The following MTCL3 variants were observed in gnomAD, a reference collection of about 807,000 sequenced individuals.
MTCL3 encodes microtubule cross-linking factor 3.
At chr6:127,518,175 G>A in the MTCL3 span, among the ~76,000 whole-genome samples, 7 of 152,206 alleles carry the variant, frequency 4.6e-5, no homozygotes, top group East Asian at 7.7e-4. Flanking sequence ...TCCCAGTCGC[G>A]ATACTACTAG....
At chr6:127,516,415 A>G in the MTCL3 span, 13 of 1,600,236 alleles carry the variant, frequency 8.1e-6, no homozygotes, top group Middle Eastern at 1.6e-4. Flanking sequence ...AACAGAATTG[A>G]GTTTAGTGCC....
At chr6:127,497,633 A>T in the MTCL3 span, among the ~76,000 whole-genome samples, 2 of 152,166 alleles carry the variant, frequency 1.3e-5, no homozygotes, top group Admixed American at 6.5e-5. Context: ...GGAATTGTGC[A>T]CGTCAAGCTG....
chr6:127,514,681 T>C, the MTCL3 span: 2 of 659,684 alleles, frequency 3.0e-6, no homozygotes, highest in Non-Finnish European at 5.1e-6. Flanking sequence ...GAGACCCTAG[T>C]ATTTTGTGGT....
At chr6:127,475,900 C>T in the MTCL3 span, 2 of 1,613,382 alleles carry the variant, frequency 1.2e-6, no homozygotes, top group Non-Finnish European at 1.7e-6. This position sits in a 1 kb window ranked among gnomAD's most constrained non-coding sequence, Gnocchi z 7.3. Context: ...GATCTGCAGG[C>T]GCGCCGCCTT....
chr6:127,516,382 TGCTGCTGCA>T, the MTCL3 span: 1 of 1,600,918 alleles, frequency 6.2e-7, no homozygotes, highest in African/African-American at 1.3e-5. Flanking sequence ...CTGCTGTTGC[TGCTGCTGCA>T]GCTGCTGCTG....
the MTCL3 span, chr6:127,475,893 C>A: frequency 5.6e-6 from 9 of 1,613,578 alleles, no homozygotes; most frequent in Non-Finnish European, 5.9e-6. The surrounding 1 kb of genome is among the most constrained non-coding windows in gnomAD (Gnocchi z 7.3). Context: ...GCTCGTTGAT[C>A]TGCAGGCGCG....
the MTCL3 span, chr6:127,515,592 C>T: frequency 1.4e-6 from 2 of 1,433,130 alleles, no homozygotes; most frequent in South Asian, 1.6e-5. This position sits in a 1 kb window ranked among gnomAD's most constrained non-coding sequence, Gnocchi z 4.3. Context: ...GCTGCGGGTG[C>T]GGCTGCGACG....
chr6:127,475,576 T>A, the MTCL3 span: 6 of 1,607,686 alleles, frequency 3.7e-6, no homozygotes, highest in Non-Finnish European at 1.7e-6. The surrounding 1 kb of genome is among the most constrained non-coding windows in gnomAD (Gnocchi z 7.3). Flanking sequence ...CGAGCGGATG[T>A]CCTTCATCTG....
chr6:127,510,945 G>C, the MTCL3 span, among the ~76,000 whole-genome samples: 1 of 152,196 alleles, frequency 6.6e-6, no homozygotes, highest in African/African-American at 2.4e-5. Flanking sequence ...AATGAGGGGC[G>C]GGTGTGATGG....
chr6:127,514,449 C>T, the MTCL3 span, among the ~76,000 whole-genome samples: 1 of 152,212 alleles, frequency 6.6e-6, no homozygotes, highest in Non-Finnish European at 1.5e-5. Context: ...CTCCTGACTG[C>T]CCGATTCCAC....
At chr6:127,475,695 G>T in the MTCL3 span, 1 of 1,584,554 alleles carries the variant, frequency 6.3e-7, no homozygotes, top group Admixed American at 1.7e-5. This position sits in a 1 kb window ranked among gnomAD's most constrained non-coding sequence, Gnocchi z 7.3. Context: ...TCTCGCCGCC[G>T]ATGGGCCCTT....
the MTCL3 span, among the ~76,000 whole-genome samples, chr6:127,488,853 TA>T: frequency 1.3e-5 from 2 of 152,172 alleles, no homozygotes; most frequent in South Asian, 2.1e-4. Flanking sequence ...AGTACAACAA[TA>T]AAAAATAATG....
the MTCL3 span, among the ~76,000 whole-genome samples, chr6:127,489,772 G>T: frequency 2.6e-5 from 4 of 152,216 alleles, no homozygotes; most frequent in Non-Finnish European, 4.4e-5. Context: ...AGAAGCTAGT[G>T]GGCATTGGTA....
At chr6:127,482,864 T>C in the MTCL3 span, 1 of 1,372,512 alleles carries the variant, frequency 7.3e-7, no homozygotes, top group Non-Finnish European at 1.0e-6. This position sits in a 1 kb window ranked among gnomAD's most constrained non-coding sequence, Gnocchi z 4.1. Context: ...TGTGATTATA[T>C]ACACTTAGAG....
At chr6:127,485,209 A>G in the MTCL3 span, among the ~76,000 whole-genome samples, 3 of 152,164 alleles carry the variant, frequency 2.0e-5, no homozygotes, top group African/African-American at 7.2e-5. Context: ...AGCTAGGGAT[A>G]ATTTCCAAAA....
the MTCL3 span, chr6:127,475,664 T>G: frequency 3.1e-6 from 5 of 1,591,422 alleles, no homozygotes. This position sits in a 1 kb window ranked among gnomAD's most constrained non-coding sequence, Gnocchi z 7.3. Flanking sequence ...CAGCGGATGT[T>G]GCGCACCTCC....
At chr6:127,482,933 C>T in the MTCL3 span, 1 of 1,607,076 alleles carries the variant, frequency 6.2e-7, no homozygotes, top group African/African-American at 1.3e-5. This position sits in a 1 kb window ranked among gnomAD's most constrained non-coding sequence, Gnocchi z 4.1. Flanking sequence ...GTCTGTTGAG[C>T]CTTTTTTTCA....
chr6:127,513,401 T>C, the MTCL3 span, among the ~76,000 whole-genome samples: 1 of 152,132 alleles, frequency 6.6e-6, no homozygotes, highest in Non-Finnish European at 1.5e-5. Flanking sequence ...TGGTAAAAAA[T>C]GTTCTATTGC....
the MTCL3 span, among the ~76,000 whole-genome samples, chr6:127,494,408 G>A: frequency 6.6e-6 from 1 of 152,150 alleles, no homozygotes; most frequent in Admixed American, 6.5e-5. Flanking sequence ...TTAATGGGAT[G>A]TGGTTACAAC....
Sources: gnomAD v4.1 joint callset for allele counts (sites outside exome capture counted in the v4.1 genomes callset) on GRCh38, gnomAD v4.1.1 for gene constraint, Gnocchi (gnomAD v3.1) non-coding constraint, MANE v1.5 for transcripts, NCBI Gene and HGNC (gene_info 2026-07-23, HGNC 2026-07-21) for gene names.